The following FNIP1 variants were observed in gnomAD, a reference collection of about 807,000 sequenced individuals.
The protein encoded by FNIP1 is folliculin interacting protein 1.
FNIP1 carries 40 observed loss-of-function variants against 124.5 expected under a neutral mutation model. The observed-to-expected ratio is 0.32, with a 90% CI of 0.25 to 0.42. FNIP1 has a LOEUF of 0.42. Ranked by LOEUF, FNIP1 falls within the 10% of genes least tolerant of loss-of-function variation. The probability of loss-of-function intolerance (pLI) is 1.00; values close to 1 mark genes in which losing one functional copy is unlikely to be tolerated. For missense variants in FNIP1, 1,176 were observed against 1,403.7 expected, an observed-to-expected ratio of 0.84 and a Z score of 2.59; for synonymous variants, 472 against 470.6, an observed-to-expected ratio of 1.00 and a Z score of -0.04.
chr5:131,724,111 G>A (rs1196181263), intron 3 of FNIP1, among the ~76,000 whole-genome samples: 6 of 152,116 alleles, frequency 3.9e-5, no homozygotes, highest in African/African-American at 1.4e-4. Flanking sequence ...GTCTATCATT[G>A]ATGGACATTT....
At position 131,671,796 on chromosome 5, in the gene FNIP1, T is replaced by C. The variant is rs1399847730; in HGVS notation, c.2648A>G (p.Glu883Gly). ...LCTKNNKQNN[E>G]FCKCIETVPQ... ...AACTGTTTCTATACATTTACAAAAT[T>C]CATTGTTCTGCTTGTTATTTTTTGT... The change falls in exon 14 of 18, where the codon GAA becomes GGA. Residue 883 changes from glutamate (E) to glycine (G), a missense_variant. By Grantham distance (98) the Glu-to-Gly change is moderately conservative. This residue lies in a region of FNIP1 where 1,109 missense variants were observed against 1,288.5 expected (regional missense o/e 0.86). Coordinates refer to ENST00000510461, the MANE Select transcript of FNIP1 (RefSeq NM_133372.3). 1.9e-6 allele frequency: 3 copies of C among 1,613,984 alleles called. No individual in the cohort carries two copies. The South Asian group carries it at 3.3e-5, about 18-fold the overall frequency.
chr5:131,735,482 T>C (rs1442427826), intron 2 of FNIP1, among the ~76,000 whole-genome samples: 1 of 60,056 alleles, frequency 1.7e-5, no homozygotes, highest in Non-Finnish European at 3.5e-5. Context: ...CATACGTATA[T>C]ATGTATATAT....
At chr5:131,782,080 G>A (rs1772014074) in intron 1 of FNIP1, among the ~76,000 whole-genome samples, 1 of 152,080 alleles carries the variant, frequency 6.6e-6, no homozygotes. Flanking sequence ...CTTAAGCCCA[G>A]GAGTTCAAGG....
chr5:131,763,423 G>T (rs1771304029), intron 1 of FNIP1, among the ~76,000 whole-genome samples: 1 of 152,134 alleles, frequency 6.6e-6, no homozygotes, highest in Non-Finnish European at 1.5e-5. Context: ...TGTAATTAAA[G>T]AAAAGAGTTT....
At chr5:131,752,155 T>C (rs1336136478) in intron 1 of FNIP1, among the ~76,000 whole-genome samples, 1 of 152,120 alleles carries the variant, frequency 6.6e-6, no homozygotes, top group Non-Finnish European at 1.5e-5. Flanking sequence ...GCCATTCTCC[T>C]GCCTCAGCCT....
rs746371356 is a variant in FNIP1 at position 131,651,876 on chromosome 5, A to G, written c.3232T>C (p.Leu1078=). Residue 1078 remains leucine (L), a synonymous_variant, in exon 16 of 18, where the codon TTG becomes CTG. Coordinates refer to ENST00000510461, the MANE Select transcript of FNIP1 (RefSeq NM_133372.3). ...VTDNKLGKEV[L]VSSLVSNLLH... ...AGATTGGAAACAAGACTGGAAACCA[A>G]TACTTCCTTTCCCAATTTATTATCT... The G allele has an allele frequency of 1.2e-6, 2 of 1,614,170 alleles. No individual in the cohort carries two copies. The highest frequency in any genetic ancestry group is 2.7e-5 in the African/African-American group (2 of 75,056).
intron 1 of FNIP1, among the ~76,000 whole-genome samples, chr5:131,779,873 G>A (rs1379566557): frequency 1.3e-5 from 2 of 151,828 alleles, no homozygotes; most frequent in Non-Finnish European, 2.9e-5. Flanking sequence ...GTTAGAGCAT[G>A]CTCTTTACAT....
At chr5:131,676,086 A>C (rs1220691746) in intron 13 of FNIP1, among the ~76,000 whole-genome samples, 1 of 149,164 alleles carries the variant, frequency 6.7e-6, no homozygotes, top group African/African-American at 2.5e-5. Flanking sequence ...CAGTGGCATG[A>C]TCTCGGCTCA....
In FNIP1 at chr5:131,719,429, C is replaced by A. The variant is rs181780061; in HGVS notation, c.355-12G>T. On this transcript the variant is annotated splice_polypyrimidine_tract_variant and intron_variant, in intron 3 of 17. Transcript: ENST00000510461. Reference sequence around the variant, plus strand: ...GAGCACCGAGAACCCTAAACAATAACCACATATTAACAAACTGTGTTAATT... The same window carrying A: ...GAGCACCGAGAACCCTAAACAATAAACACATATTAACAAACTGTGTTAATT... 913 of 1,588,516 alleles carry A rather than the reference C, an allele frequency of 5.7e-4. 5 individuals carry two copies. In the African/African-American group the frequency reaches 0.011, roughly 19 times the overall value.
intron 11 of FNIP1, among the ~76,000 whole-genome samples, chr5:131,695,602 A>C (rs1768667384): frequency 6.6e-6 from 1 of 152,232 alleles, no homozygotes; most frequent in Admixed American, 6.5e-5. Flanking sequence ...ATGGCTATAA[A>C]TCACCAACTC....
At chr5:131,664,989 G>GCACAA in intron 15 of FNIP1, among the ~76,000 whole-genome samples, 1 of 151,176 alleles carries the variant, frequency 6.6e-6, no homozygotes, top group South Asian at 2.1e-4. Flanking sequence ...TAAATATTGT[G>GCACAA]TATTTACACA....
intron 9 of FNIP1, among the ~76,000 whole-genome samples, chr5:131,706,048 A>C (rs1769097140): frequency 6.6e-6 from 1 of 152,204 alleles, no homozygotes; most frequent in Non-Finnish European, 1.5e-5. Context: ...ATGAAAATTC[A>C]TAAAGACAGA....
intron 15 of FNIP1, among the ~76,000 whole-genome samples, chr5:131,657,040 T>C (rs868148447): frequency 2.3e-3 from 338 of 149,528 alleles, no homozygotes; most frequent in African/African-American, 7.9e-3. Context: ...TTTTTTTTTT[T>C]TTTGAGACAG....
intron 15 of FNIP1, among the ~76,000 whole-genome samples, chr5:131,666,362 T>C (rs1347052912): frequency 6.6e-6 from 1 of 152,188 alleles, no homozygotes; most frequent in Non-Finnish European, 1.5e-5. Context: ...AAGGAAAGAC[T>C]AGAAACCCAA....
intron 11 of FNIP1, among the ~76,000 whole-genome samples, chr5:131,693,303 T>TATATATATACAC (rs1554094441): frequency 2.7e-4 from 8 of 29,214 alleles, no homozygotes; most frequent in African/African-American, 7.3e-4. Flanking sequence ...TATACATATA[T>TATATATATACAC]ATATATATAT....
chr5:131,728,708 C>A (rs1164889164), intron 3 of FNIP1, among the ~76,000 whole-genome samples: 1 of 152,134 alleles, frequency 6.6e-6, no homozygotes, highest in African/African-American at 2.4e-5. Context: ...CATCCTCCAT[C>A]CAGTTTTGTT....
At chr5:131,734,868 A>G (rs1467094637) in intron 2 of FNIP1, among the ~76,000 whole-genome samples, 2 of 152,230 alleles carry the variant, frequency 1.3e-5, no homozygotes, top group African/African-American at 4.8e-5. Flanking sequence ...GTGGGACTGT[A>G]AACTAGTTCA....
intron 1 of FNIP1, among the ~76,000 whole-genome samples, chr5:131,752,795 C>T (rs555778304): frequency 1.3e-3 from 203 of 152,198 alleles, no homozygotes; most frequent in African/African-American, 4.4e-3. Context: ...CGGCCGGGCG[C>T]GGTGGCTCAC....
chr5:131,764,758 G>A (rs757090950), intron 1 of FNIP1, among the ~76,000 whole-genome samples: 2 of 151,992 alleles, frequency 1.3e-5, no homozygotes, highest in African/African-American at 2.4e-5. Flanking sequence ...ACTGTTTATA[G>A]ATAGTACTCA....
Sources: allele counts gnomAD v4.1 joint callset (sites outside exome capture counted in the v4.1 genomes callset), GRCh38; gene constraint gnomAD v4.1.1; regional missense constraint gnomAD v4.1.1; transcripts MANE v1.5; gene names NCBI Gene and HGNC (gene_info 2026-07-23, HGNC 2026-07-21).